Variants in PTPRM observed in about 807,000 individuals in gnomAD.
PTPRM encodes the protein receptor-type tyrosine-protein phosphatase mu.
PTPRM carries 47 observed loss-of-function variants against 186.7 expected under a neutral mutation model. The ratio of observed to expected loss-of-function variants is 0.25; its 90% CI spans 0.20 to 0.32. PTPRM has a LOEUF of 0.32. PTPRM is among the 10% of genes least tolerant of loss of function. The pLI is 1.00. For synonymous variants in PTPRM, 668 were observed against 674.9 expected, an observed-to-expected ratio of 0.99 and a Z score of 0.16; for missense variants, 1,494 against 1,865.0, an observed-to-expected ratio of 0.80 and a Z score of 3.66.
intron 19 of PTPRM, among the ~76,000 whole-genome samples, chr18:8,254,925 G>T (rs2094560812): frequency 6.6e-6 from 1 of 152,240 alleles, no homozygotes; most frequent in Non-Finnish European, 1.5e-5. Flanking sequence ...AGACTGTGAA[G>T]CCAAACAATC....
At chr18:7,573,080 G>A (rs2186947) in intron 1 of PTPRM, among the ~76,000 whole-genome samples, 16,523 of 152,152 alleles carry the variant, frequency 0.11, 1,161 homozygotes, top group East Asian at 0.21. Flanking sequence ...TCATTGGTGA[G>A]GAGGCTGGCA....
chr18:7,721,038 G>T (rs1381775221), intron 1 of PTPRM, among the ~76,000 whole-genome samples: 1 of 151,760 alleles, frequency 6.6e-6, no homozygotes, highest in Non-Finnish European at 1.5e-5. Context: ...CTTTTTGAGG[G>T]ACTTCCATAC....
intron 1 of PTPRM, among the ~76,000 whole-genome samples, chr18:7,573,480 C>G (rs1435210870): frequency 1.3e-5 from 2 of 152,298 alleles, no homozygotes; most frequent in East Asian, 3.9e-4. Flanking sequence ...TGTGGTGATT[C>G]TGATGTCCAC....
At chr18:8,358,590 C>T (rs775197169) in intron 23 of PTPRM, among the ~76,000 whole-genome samples, 2 of 152,164 alleles carry the variant, frequency 1.3e-5, no homozygotes, top group African/African-American at 2.4e-5. Context: ...GTGCAGGCAT[C>T]AGGTGACCTC....
chr18:7,797,343 TTG>T, intron 2 of PTPRM, among the ~76,000 whole-genome samples: 1 of 152,190 alleles, frequency 6.6e-6, no homozygotes, highest in East Asian at 1.9e-4. Flanking sequence ...TCCTGTTGCT[TTG>T]TGTGGAGATT....
At chr18:8,150,852 C>T (rs1568427452) in intron 14 of PTPRM, among the ~76,000 whole-genome samples, 1 of 152,192 alleles carries the variant, frequency 6.6e-6, no homozygotes. Flanking sequence ...CTATTCCTTT[C>T]TGTTTGTTAG....
intron 1 of PTPRM, among the ~76,000 whole-genome samples, chr18:7,661,799 C>G (rs1347649439): frequency 6.6e-6 from 1 of 152,184 alleles, no homozygotes; most frequent in Non-Finnish European, 1.5e-5. Context: ...TGAATGGCAT[C>G]TGATGGTGAG....
intron 2 of PTPRM, among the ~76,000 whole-genome samples, chr18:7,777,453 T>C (rs2042642808): frequency 6.6e-6 from 1 of 152,238 alleles, no homozygotes; most frequent in African/African-American, 2.4e-5. Flanking sequence ...GTGGTTGGTT[T>C]CAAGCTACAG....
At chr18:7,608,081 G>GC (rs1428544322) in intron 1 of PTPRM, among the ~76,000 whole-genome samples, 1 of 152,182 alleles carries the variant, frequency 6.6e-6, no homozygotes, top group African/African-American at 2.4e-5. Flanking sequence ...TGCTGGGAAG[G>GC]CAGCGTTCCT....
intron 11 of PTPRM, among the ~76,000 whole-genome samples, chr18:8,092,218 T>C (rs2090773678): frequency 6.6e-6 from 1 of 152,154 alleles, no homozygotes; most frequent in Non-Finnish European, 1.5e-5. Context: ...TGTAAATGAT[T>C]GTTGTCTTTT....
chr18:8,008,464 T>C (rs1291995875), intron 7 of PTPRM, among the ~76,000 whole-genome samples: 2 of 152,224 alleles, frequency 1.3e-5, no homozygotes, highest in Non-Finnish European at 2.9e-5. Flanking sequence ...ATTGTTTTTA[T>C]GAATAGATAA....
At chr18:7,582,368 G>T (rs566578435) in intron 1 of PTPRM, among the ~76,000 whole-genome samples, 168 of 152,264 alleles carry the variant, frequency 1.1e-3, no homozygotes, top group Middle Eastern at 3.4e-3. Context: ...TTGGACTCTC[G>T]TACATGTGAT....
At chr18:8,199,995 A>G (rs1312877095) in intron 14 of PTPRM, among the ~76,000 whole-genome samples, 1 of 152,174 alleles carries the variant, frequency 6.6e-6, no homozygotes. Flanking sequence ...TTTGTCACAT[A>G]TGATAAATAT....
At chr18:8,197,862 A>G (rs189731724) in intron 14 of PTPRM, among the ~76,000 whole-genome samples, 9 of 152,324 alleles carry the variant, frequency 5.9e-5, no homozygotes. Context: ...GAGCCAAGGC[A>G]TTTGACTGCC....
chr18:8,262,090 GTTGCCA>G (rs951000881), intron 19 of PTPRM, among the ~76,000 whole-genome samples: 3 of 152,118 alleles, frequency 2.0e-5, no homozygotes, highest in Admixed American at 6.5e-5. Context: ...ATATTTCACG[GTTGCCA>G]TTGCCCCTGC....
intron 11 of PTPRM, among the ~76,000 whole-genome samples, chr18:8,098,818 A>G (rs568426877): frequency 6.6e-6 from 1 of 151,032 alleles, no homozygotes; most frequent in Non-Finnish European, 1.5e-5. Flanking sequence ...GTCTTAGTTC[A>G]TATTTGTCTT....
At chr18:8,284,372 A>T (rs2094934090) in intron 19 of PTPRM, among the ~76,000 whole-genome samples, 1 of 152,178 alleles carries the variant, frequency 6.6e-6, no homozygotes, top group Non-Finnish European at 1.5e-5. Flanking sequence ...TTTTCAAAGC[A>T]TCAACAGATT....
At chr18:7,945,010 G>T (rs920176365) in intron 5 of PTPRM, among the ~76,000 whole-genome samples, 1 of 152,162 alleles carries the variant, frequency 6.6e-6, no homozygotes, top group Non-Finnish European at 1.5e-5. Context: ...CATCATAGGA[G>T]AGCCCTCATT....
intron 26 of PTPRM, chr18:8,377,501 A>G (rs1282070963): frequency 6.6e-6 from 1 of 152,110 alleles, no homozygotes; most frequent in Non-Finnish European, 1.5e-5. Context: ...TGGATCTTCC[A>G]TTTTCAGGTG....
Sources: allele counts gnomAD v4.1 joint callset (sites outside exome capture counted in the v4.1 genomes callset), GRCh38; gene constraint gnomAD v4.1.1; transcripts MANE v1.5; gene names NCBI Gene and HGNC (gene_info 2026-07-23, HGNC 2026-07-21).